The following PRR11 variants were observed in gnomAD, a reference collection of about 807,000 sequenced individuals.
PRR11 encodes the protein proline rich 11, also known as proline-rich protein 11.
Under a neutral mutation model 45.6 loss-of-function variants are expected in PRR11, and 30 were observed. That is an observed-to-expected ratio of 0.66 (90% CI 0.49 to 0.89). The LOEUF is 0.89. PRR11 is among the 40% of genes least tolerant of loss of function. The pLI, the probability that PRR11 is intolerant of heterozygous loss-of-function variation, is 0.00. For missense variants in PRR11, 373 were observed against 424.8 expected (o/e 0.88, Z 1.07); for synonymous variants, 128 against 153.5 (o/e 0.83, Z 1.23).
At chr17:59,173,980 A>G (rs1394293386) in intron 2 of PRR11, among the ~76,000 whole-genome samples, 1 of 152,204 alleles carries the variant, frequency 6.6e-6, no homozygotes, top group Admixed American at 6.5e-5. Flanking sequence ...AAGGTTATTC[A>G]CGTCCCACAT....
At chr17:59,155,978 G>A (rs2046621306) in intron 1 of PRR11, among the ~76,000 whole-genome samples, 173 bp downstream of exon 1, 1 of 152,110 alleles carries the variant, frequency 6.6e-6, no homozygotes, top group African/African-American at 2.4e-5. Context: ...GCTCGGCCTG[G>A]CTTCATCTTA....
intron 4 of PRR11, 98 bp downstream of exon 4, chr17:59,185,660 T>C: frequency 8.9e-7 from 1 of 1,121,088 alleles, no homozygotes; most frequent in Non-Finnish European, 1.3e-6. Context: ...AGTCATAAGA[T>C]TTATATCTCA....
intron 1 of PRR11, among the ~76,000 whole-genome samples, chr17:59,164,894 T>G (rs1389648871): frequency 6.6e-6 from 1 of 150,502 alleles, no homozygotes; most frequent in Non-Finnish European, 1.5e-5. Flanking sequence ...AAAAAAAAGG[T>G]CCTGACCATA....
chr17:59,185,527 G>T lies in PRR11; in HGVS notation c.367G>T (p.Glu123Ter). 1 of 1,610,296 alleles carries T rather than the reference G, an allele frequency of 6.2e-7. No individual in the cohort carries two copies. The highest frequency in any genetic ancestry group is 8.5e-7 in the Non-Finnish European group (1 of 1,178,994). Reference sequence around the variant, plus strand: ...TGTAAAACAACAGTTTTGCATTTTGGAAAGTAAATTATGCAAGCTCCAGGA... The same window carrying T: ...TGTAAAACAACAGTTTTGCATTTTGTAAAGTAAATTATGCAAGCTCCAGGA... Reference protein sequence around the residue: ...YSVKQQFCILESKLCKLQEAL... With the variant: ...YSVKQQFCIL The change falls in exon 4 of 10, where the codon GAA becomes TAA. Residue 123 changes from glutamate (E) to a stop codon, truncating the protein, a stop_gained. Coordinates refer to ENST00000262293, the MANE Select transcript of PRR11 (RefSeq NM_018304.4). LOFTEE classifies it high-confidence loss of function.
intron 2 of PRR11, among the ~76,000 whole-genome samples, chr17:59,170,522 C>T (rs546339463): frequency 5.9e-5 from 9 of 152,132 alleles, no homozygotes; most frequent in African/African-American, 2.2e-4. Context: ...CCCACTCTGT[C>T]TCCAAAACAA....
At chr17:59,160,735 T>C (rs1233139221) in intron 1 of PRR11, 1 of 152,062 alleles carries the variant, frequency 6.6e-6, no homozygotes, top group African/African-American at 2.4e-5. Context: ...ATTTATGTTG[T>C]TTTTTTCTTT....
chr17:59,197,280 C>G (rs1183208628), intron 7 of PRR11, among the ~76,000 whole-genome samples: 1 of 146,846 alleles, frequency 6.8e-6, no homozygotes, highest in African/African-American at 2.5e-5. Context: ...GAGACAGAGT[C>G]TTGCTCTATT....
chr17:59,165,955 G>A (rs1186673379), intron 1 of PRR11, among the ~76,000 whole-genome samples: 6 of 152,164 alleles, frequency 3.9e-5, no homozygotes, highest in African/African-American at 1.4e-4. Flanking sequence ...AAGCCCGTAA[G>A]GACAATTAAG....
rs2046905723 is a variant in PRR11, at chr17:59,203,987, A to T, written c.*2356A>T. 1 of 152,124 alleles carries T rather than the reference A, an allele frequency of 6.6e-6. No homozygotes were observed. 9.4% of individuals were successfully genotyped at this position (152,124 alleles called of 1,614,324 possible). A position where few individuals can be genotyped will look rare whatever the true frequency, so the allele number is the denominator to read the frequency against. ...GAGAATAAAGCAGTTGAGTATTTAT[A>T]ACAATAATATTTTATGGGGCGCTTA... On this transcript the variant is annotated 3_prime_UTR_variant, in exon 10 of 10. Transcript: ENST00000262293.
rs1218744788 is a variant in PRR11, at chr17:59,165,792, C to CAA, written c.-5-3947_-5-3946dup. 5.0e-3 allele frequency among the ~76,000 whole-genome samples: 726 copies of CAA among 143,812 alleles called. 5 individuals carry two copies. The highest frequency in any genetic ancestry group is 0.018 in the African/African-American group (690 of 39,236). 94.3% of individuals were successfully genotyped at this position (143,812 alleles called of 152,430 possible). A position where few individuals can be genotyped will look rare whatever the true frequency, so the allele number is the denominator to read the frequency against. ...GGGCAACAAGAGCAAAACTCTGTCT[C>CAA]AAAAAAAAAACAAAAACAAACAAAA... On this transcript the variant is annotated intron_variant, in intron 1 of 9. Transcript: ENST00000262293.
intron 4 of PRR11, among the ~76,000 whole-genome samples, chr17:59,187,893 A>G (rs180675608): frequency 1.5e-4 from 23 of 151,708 alleles, no homozygotes; most frequent in Non-Finnish European, 2.1e-4. Context: ...TGTCAAGACT[A>G]GGTGTGGTAC....
chr17:59,185,639 G>A, intron 4 of PRR11, 77 bp downstream of exon 4: 1 of 1,270,458 alleles, frequency 7.9e-7, no homozygotes, highest in South Asian at 1.4e-5. Context: ...TTGCAATAGG[G>A]AAAATGCTCA....
intron 1 of PRR11, among the ~76,000 whole-genome samples, chr17:59,164,872 G>A (rs1010820309): frequency 4.7e-5 from 7 of 149,876 alleles, no homozygotes; most frequent in Non-Finnish European, 8.9e-5. Flanking sequence ...GAGCAAGACC[G>A]TGTCTCAAAA....
chr17:59,186,912 G>A (rs992137120), intron 4 of PRR11, among the ~76,000 whole-genome samples: 1 of 152,164 alleles, frequency 6.6e-6, no homozygotes, highest in Non-Finnish European at 1.5e-5. Flanking sequence ...TACAAGCCAG[G>A]TACAGTGGTA....
chr17:59,188,850 G>T (rs1288672382), intron 4 of PRR11, among the ~76,000 whole-genome samples: 1 of 151,820 alleles, frequency 6.6e-6, no homozygotes, highest in East Asian at 1.9e-4. Context: ...TGAGGCAGGA[G>T]AATCACTGGA....
In PRR11 at chr17:59,203,617, T is replaced by C. The variant is rs2046903357; in HGVS notation, c.*1986T>C. On this transcript the variant is annotated 3_prime_UTR_variant, in exon 10 of 10. Coordinates refer to ENST00000262293, the MANE Select transcript of PRR11 (RefSeq NM_018304.4). ...CTCATGCCTGTAATCCGAGCACTTG[T>C]GGAGGCCGAGGCAGGCGGATTACTT... is the stretch of plus-strand genomic sequence containing the variant. The C allele has an allele frequency of 6.6e-6, 1 of 152,114 alleles. No homozygotes were observed. The highest frequency in any genetic ancestry group is 2.4e-5 in the African/African-American group (1 of 41,418). 9.4% of individuals were successfully genotyped at this position (152,114 alleles called of 1,614,324 possible).
rs1266805718 is a variant in PRR11 at position 59,203,383 on chromosome 17, CCTGA to C, written c.*1755_*1758del. 1 of 152,178 alleles carries C rather than the reference CCTGA, an allele frequency of 6.6e-6. No homozygotes were observed. Among genetic ancestry groups the C allele is most frequent in the Admixed American group, 6.6e-5 (1 of 15,264 alleles). 9.4% of individuals were successfully genotyped at this position (152,178 alleles called of 1,614,324 possible). On this transcript the variant is annotated 3_prime_UTR_variant, in exon 10 of 10. Coordinates refer to ENST00000262293, the MANE Select transcript of PRR11 (RefSeq NM_018304.4). ...GGGATTACAGGTGCGCACTGCCACG[CCTGA>C]CTAATTTTTGTATTTCTAGTAAAGA... is the stretch of plus-strand genomic sequence containing the variant.
chr17:59,196,883 G>A (rs1321754786), intron 7 of PRR11, among the ~76,000 whole-genome samples: 1 of 151,818 alleles, frequency 6.6e-6, no homozygotes, highest in Non-Finnish European at 1.5e-5. Flanking sequence ...TTGAGAAGGA[G>A]CTCTGTCACC....
chr17:59,168,201 C>T (rs1192614733), intron 1 of PRR11, among the ~76,000 whole-genome samples: 1 of 151,318 alleles, frequency 6.6e-6, no homozygotes, highest in Non-Finnish European at 1.5e-5. Flanking sequence ...TGGAGTCTTG[C>T]TTTGTCACCC....
Sources: gnomAD v4.1 joint callset for allele counts (sites outside exome capture counted in the v4.1 genomes callset) on GRCh38, gnomAD v4.1.1 for gene constraint, MANE v1.5 for transcripts, NCBI Gene and HGNC (gene_info 2026-07-23, HGNC 2026-07-21) for gene names.